TGFB2: variants seen among roughly 807,000 people sequenced by gnomAD.
TGFB2 encodes the protein transforming growth factor beta 2.
In TGFB2, 13 loss-of-function variants were observed where a neutral mutation model predicts 42.7. The observed-to-expected ratio is 0.30, with a 90% CI of 0.20 to 0.48. The LOEUF is 0.48. Among genes scored for constraint, TGFB2 ranks in the 20% least tolerant of loss-of-function variants. The pLI, the probability that TGFB2 is intolerant of heterozygous loss-of-function variation, is 0.99. For synonymous variants in TGFB2, 193 were observed against 193.6 expected (o/e 1.00, Z 0.03); for missense variants, 390 against 517.5 (o/e 0.75, Z 2.39).
At chr1:218,412,042 C>T (rs975363944) in intron 2 of TGFB2, among the ~76,000 whole-genome samples, 1 of 152,092 alleles carries the variant, frequency 6.6e-6, no homozygotes, top group Admixed American at 6.5e-5. Flanking sequence ...GAACACTAAC[C>T]CACTGTGTAA....
At chr1:218,378,712 T>G (rs1438457715) in intron 1 of TGFB2, among the ~76,000 whole-genome samples, 1 of 151,362 alleles carries the variant, frequency 6.6e-6, no homozygotes, top group Non-Finnish European at 1.5e-5. Flanking sequence ...CCCCAAAGGA[T>G]CCTTCCGCCT....
At chr1:218,438,479 G>A (rs929948137) in intron 6 of TGFB2, among the ~76,000 whole-genome samples, 1 of 152,228 alleles carries the variant, frequency 6.6e-6, no homozygotes, top group Non-Finnish European at 1.5e-5. Flanking sequence ...AGGAATGTCT[G>A]TATTAAAAGT....
At chr1:218,420,530 G>A (rs1659421043) in intron 2 of TGFB2, among the ~76,000 whole-genome samples, 1 of 151,948 alleles carries the variant, frequency 6.6e-6, no homozygotes, top group African/African-American at 2.4e-5. Flanking sequence ...CAGCACAAAG[G>A]TTCATCTGTA....
intron 2 of TGFB2, among the ~76,000 whole-genome samples, chr1:218,420,229 G>A (rs1212077699): frequency 6.6e-6 from 1 of 152,210 alleles, no homozygotes; most frequent in Non-Finnish European, 1.5e-5. Flanking sequence ...GGGCTGTGTG[G>A]TACAGCCTCA....
intron 1 of TGFB2, among the ~76,000 whole-genome samples, chr1:218,369,820 A>C (rs746158643): frequency 6.6e-6 from 1 of 152,378 alleles, no homozygotes; most frequent in Admixed American, 6.5e-5. Context: ...TGTGCTCTGC[A>C]TGCAATAGAA....
At chr1:218,378,604 G>A (rs763057047) in intron 1 of TGFB2, among the ~76,000 whole-genome samples, 3 of 152,026 alleles carry the variant, frequency 2.0e-5, no homozygotes, top group Non-Finnish European at 2.9e-5. Flanking sequence ...GTGAGCCACC[G>A]TGCCCAGCCT....
chr1:218,409,132 C>T (rs1659012760), intron 2 of TGFB2, among the ~76,000 whole-genome samples: 1 of 152,174 alleles, frequency 6.6e-6, no homozygotes, highest in Non-Finnish European at 1.5e-5. Flanking sequence ...GTACTGCAAG[C>T]AATGGGGAGT....
intron 4 of TGFB2, among the ~76,000 whole-genome samples, chr1:218,435,488 A>G (rs898807811): frequency 1.3e-5 from 2 of 152,116 alleles, no homozygotes; most frequent in Non-Finnish European, 2.9e-5. Context: ...TTTCACTTGA[A>G]CCTAATTCAC....
At chr1:218,369,550 G>A (rs995554043) in intron 1 of TGFB2, among the ~76,000 whole-genome samples, 1 of 152,146 alleles carries the variant, frequency 6.6e-6, no homozygotes, top group African/African-American at 2.4e-5. Context: ...TTTCTGAGGA[G>A]CAGCCAGTTC....
At chr1:218,398,644 G>T (rs1378819062) in intron 1 of TGFB2, among the ~76,000 whole-genome samples, 2 of 151,830 alleles carry the variant, frequency 1.3e-5, no homozygotes, top group Non-Finnish European at 2.9e-5. Context: ...CTGGAGTGCA[G>T]TGGTGCAATC....
intron 1 of TGFB2, among the ~76,000 whole-genome samples, chr1:218,384,532 T>G (rs1259480065): frequency 6.6e-6 from 1 of 152,230 alleles, no homozygotes; most frequent in Non-Finnish European, 1.5e-5. Context: ...CTCATAAGCC[T>G]TAGTCTCCTC....
intron 2 of TGFB2, among the ~76,000 whole-genome samples, chr1:218,406,916 G>T (rs1258155967): frequency 6.6e-6 from 1 of 152,124 alleles, no homozygotes; most frequent in Non-Finnish European, 1.5e-5. Flanking sequence ...GGGATTACTT[G>T]AGAAAAAGAA....
At chr1:218,348,080 A>AAAAG (rs10671658) in intron 1 of TGFB2, among the ~76,000 whole-genome samples, 2,847 of 152,028 alleles carry the variant, frequency 0.019, 86 homozygotes, top group African/African-American at 0.064. Context: ...AAAAAGAAAA[A>AAAAG]AAAGAAAGAA....
At chr1:218,434,993 T>G (rs1195343275) in intron 4 of TGFB2, among the ~76,000 whole-genome samples, 1 of 152,156 alleles carries the variant, frequency 6.6e-6, no homozygotes, top group Non-Finnish European at 1.5e-5. Flanking sequence ...CATAAAAATG[T>G]TTTGGCTTTC....
At chr1:218,381,196 G>A (rs1657946610) in intron 1 of TGFB2, among the ~76,000 whole-genome samples, 1 of 151,968 alleles carries the variant, frequency 6.6e-6, no homozygotes, top group African/African-American at 2.4e-5. Context: ...TTTTACAGAC[G>A]AGGAAACTGA....
At chr1:218,362,327 G>A (rs1657237558) in intron 1 of TGFB2, among the ~76,000 whole-genome samples, 1 of 152,192 alleles carries the variant, frequency 6.6e-6, no homozygotes, top group Non-Finnish European at 1.5e-5. Context: ...AGGAAAGAAT[G>A]ATATTCATGC....
At chr1:218,428,991 T>C (rs1164379200) in intron 2 of TGFB2, among the ~76,000 whole-genome samples, 2 of 146,328 alleles carry the variant, frequency 1.4e-5, no homozygotes, top group African/African-American at 5.1e-5. Context: ...TTTTTTTTTT[T>C]TTTTTCTGAG....
intron 1 of TGFB2, chr1:218,363,556 G>C: frequency 1.3e-6 from 1 of 799,762 alleles, no homozygotes; most frequent in Non-Finnish European, 2.0e-6. Context: ...GATCACAAAG[G>C]TGCCTAGAAT....
At chr1:218,386,890 C>G (rs1289909354) in intron 1 of TGFB2, among the ~76,000 whole-genome samples, 2 of 152,118 alleles carry the variant, frequency 1.3e-5, no homozygotes, top group Non-Finnish European at 2.9e-5. Flanking sequence ...TTCTTAGAGG[C>G]AAATGCTAGT....
Sources: allele counts gnomAD v4.1 joint callset (sites outside exome capture counted in the v4.1 genomes callset), GRCh38; gene constraint gnomAD v4.1.1; transcripts MANE v1.5; gene names NCBI Gene and HGNC (gene_info 2026-07-23, HGNC 2026-07-21).